Variants in FXR1 observed in about 807,000 individuals in gnomAD.
FXR1 encodes the protein FMR1 autosomal homolog 1, also known as RNA-binding protein FXR1.
In FXR1, 15 loss-of-function variants were observed where a neutral mutation model predicts 84.0. That is an observed-to-expected ratio of 0.18 (90% CI 0.12 to 0.27). FXR1 has a LOEUF of 0.27. Ranked by LOEUF, FXR1 falls within the 10% of genes least tolerant of loss-of-function variation. The pLI is 1.00. For synonymous variants in FXR1, 245 were observed against 250.7 expected, an observed-to-expected ratio of 0.98 and a Z score of 0.21; for missense variants, 480 against 774.4, an observed-to-expected ratio of 0.62 and a Z score of 4.51.
chr3:180,956,975 C>T (rs1333900664), intron 9 of FXR1, among the ~76,000 whole-genome samples: 2 of 152,162 alleles, frequency 1.3e-5, no homozygotes, highest in Non-Finnish European at 2.9e-5. Context: ...AACAAATATG[C>T]TGTCGCTGTT....
At chr3:180,922,943 T>C (rs955959228) in intron 1 of FXR1, among the ~76,000 whole-genome samples, 7 of 152,172 alleles carry the variant, frequency 4.6e-5, no homozygotes, top group African/African-American at 1.7e-4. Context: ...TCTTTTCTTA[T>C]ATTGCTGGTC....
intron 1 of FXR1, among the ~76,000 whole-genome samples, chr3:180,922,601 A>G (rs998163207): frequency 2.0e-5 from 3 of 151,918 alleles, no homozygotes; most frequent in African/African-American, 7.3e-5. Context: ...CCACCTATTT[A>G]TTTAGGTTAT....
At position 180,932,078 on chromosome 3, in the gene FXR1, A is replaced by AAAAAAAAAAC. The variant is rs1553842561; in HGVS notation, c.52-1247_52-1246insCAAAAAAAAA. Among the ~76,000 whole-genome samples the AAAAAAAAAAC allele has an allele frequency of 1.6e-3, 239 of 146,752 alleles. 6 individuals are homozygous for AAAAAAAAAAC. The highest frequency in any genetic ancestry group is 9.0e-4 in the Non-Finnish European group (61 of 67,426). On this transcript the variant is annotated intron_variant, in intron 1 of 16. Coordinates refer to ENST00000357559, the MANE Select transcript of FXR1 (RefSeq NM_005087.4). ...CTTCCATTTACTTTGTAAGTTTCAA[A>AAAAAAAAAAC]AAAAAAAAAAAACAACTTTTTTGTT...
rs781285838 is a variant in FXR1 at position 180,942,593 on chromosome 3, T to G, written c.199-5272T>G. On this transcript the variant is annotated intron_variant, in intron 3 of 16. Coordinates refer to ENST00000357559, the MANE Select transcript of FXR1 (RefSeq NM_005087.4). The stretch of plus-strand genomic sequence containing the variant: ...CTTTTGGAATTTGATTCTTCCTATT[T>G]ATTTCATCCTGTACTCCATAAAACG... Among the ~76,000 whole-genome samples the G allele has an allele frequency of 1.4e-4, 22 of 152,228 alleles. 1 individual carries two copies. The South Asian group carries it at 2.9e-3, about 20-fold the overall frequency.
intron 10 of FXR1, among the ~76,000 whole-genome samples, chr3:180,958,604 A>G: frequency 6.6e-6 from 1 of 152,118 alleles, no homozygotes. Context: ...TGGTATATAT[A>G]TACCACATTT....
intron 2 of FXR1, 47 bp downstream of exon 2, chr3:180,933,433 G>A (rs1424541070): frequency 9.8e-6 from 11 of 1,120,960 alleles, no homozygotes; most frequent in Non-Finnish European, 1.5e-5. Flanking sequence ...AGATGGCAGT[G>A]CCAAACTTTT....
intron 14 of FXR1, 108 bp from the exon 15 acceptor site, chr3:180,970,050 T>A (rs1034992852): frequency 2.0e-5 from 11 of 542,348 alleles, no homozygotes; most frequent in Middle Eastern, 3.5e-4. Flanking sequence ...TGCATTTTTA[T>A]TGGGGGAGAC....
At position 180,980,453 on chromosome 3, in the gene FXR1, T is replaced by C. The variant is rs551524209; in HGVS notation, c.*4161T>C. The stretch of plus-strand genomic sequence containing the variant: ...TTGGATTAACTGTAAAATGTACATA[T>C]TAATTTTCTAGTTTTAGAGACCATT... On this transcript the variant is annotated 3_prime_UTR_variant, in exon 17 of 17. Transcript: ENST00000357559. 1.3e-5 allele frequency: 2 copies of C among 152,090 alleles called. No homozygotes were observed. The highest frequency in any genetic ancestry group is 1.9e-4 in the East Asian group (1 of 5,172). 9.4% of individuals were successfully genotyped at this position (152,090 alleles called of 1,614,324 possible). A position where few individuals can be genotyped will look rare whatever the true frequency, so the allele number is the denominator to read the frequency against.
chr3:180,921,372 T>TA (rs71182558), intron 1 of FXR1, among the ~76,000 whole-genome samples: 31,763 of 130,914 alleles, frequency 0.24, 3,544 homozygotes, highest in Middle Eastern at 0.28. Context: ...AAACTCCATC[T>TA]AAAAAAAAAA....
At chr3:180,915,154 C>CT (rs1189227564) in intron 1 of FXR1, among the ~76,000 whole-genome samples, 1 of 152,276 alleles carries the variant, frequency 6.6e-6, no homozygotes, top group South Asian at 2.1e-4. Flanking sequence ...AAGTTTATTG[C>CT]TTTTTATTCA....
rs533468776 is a variant in FXR1 at position 180,927,109 on chromosome 3, A to T, written c.52-6225A>T. Among the ~76,000 whole-genome samples the T allele has an allele frequency of 6.6e-5, 10 of 152,236 alleles. No homozygotes were observed. The South Asian group carries it at 1.7e-3, about 25-fold the overall frequency. ...ATACTTTGGGAACCTTGCCTTAAAT[A>T]TCTTTTTATGATAGGTGCCTTATTT... On this transcript the variant is annotated intron_variant, in intron 1 of 16. Coordinates refer to ENST00000357559, the MANE Select transcript of FXR1 (RefSeq NM_005087.4).
chr3:180,920,704 A>AT (rs1560159011), intron 1 of FXR1, among the ~76,000 whole-genome samples: 1 of 151,872 alleles, frequency 6.6e-6, no homozygotes, highest in African/African-American at 2.4e-5. Flanking sequence ...AGAGATGGCG[A>AT]TTTGCCGTGT....
At chr3:180,951,598 G>GC in intron 8 of FXR1, 130 bp downstream of exon 8, 1 of 607,124 alleles carries the variant, frequency 1.6e-6, no homozygotes, top group Middle Eastern at 3.9e-4. Context: ...GCATCAGTCA[G>GC]CCTAGTAGTC....
chr3:180,964,827 T>C (rs1175875695), intron 13 of FXR1, among the ~76,000 whole-genome samples: 1 of 151,726 alleles, frequency 6.6e-6, no homozygotes, highest in Non-Finnish European at 1.5e-5. Context: ...TCTTTTTTAA[T>C]GGCACATAAA....
At chr3:180,957,724 A>G in intron 9 of FXR1, 95 bp from the exon 10 acceptor site, 2 of 613,096 alleles carry the variant, frequency 3.3e-6, no homozygotes, top group Non-Finnish European at 5.8e-6. Context: ...GATGGTTGTA[A>G]TTTAGTAGCA....
At chr3:180,941,768 G>GT (rs1721146808) in intron 3 of FXR1, among the ~76,000 whole-genome samples, 1 of 152,124 alleles carries the variant, frequency 6.6e-6, no homozygotes, top group African/African-American at 2.4e-5. Context: ...AAACTGATTT[G>GT]TTAAAGTGTC....
chr3:180,922,306 T>G (rs1401734897), intron 1 of FXR1, among the ~76,000 whole-genome samples: 2 of 152,228 alleles, frequency 1.3e-5, no homozygotes, highest in East Asian at 3.8e-4. Context: ...CAGCTTTTTC[T>G]TTTTATCTGG....
At chr3:180,961,783 TTTCTC>T (rs2108483383) in intron 11 of FXR1, among the ~76,000 whole-genome samples, 1 of 152,346 alleles carries the variant, frequency 6.6e-6, no homozygotes, top group South Asian at 2.1e-4. Context: ...GTGTGCATAA[TTTCTC>T]TTCTTTCTGA....
chr3:180,980,383 T>TC lies in FXR1; in HGVS notation c.*4092dup, dbSNP rs1229388316. ...CTTTGTATTTCAGTGATTGGGATGTTCTTTTTTTTTGGGAAAGTTTTTTTA... is the reference window on the plus strand; with the variant it reads ...CTTTGTATTTCAGTGATTGGGATGTTCCTTTTTTTTTGGGAAAGTTTTTTTA... On this transcript the variant is annotated 3_prime_UTR_variant, in exon 17 of 17. Coordinates refer to ENST00000357559, the MANE Select transcript of FXR1 (RefSeq NM_005087.4). The TC allele has an allele frequency of 6.6e-6, 1 of 151,910 alleles. No individual in the cohort carries two copies. Among genetic ancestry groups the TC allele is most frequent in the Non-Finnish European group, 1.5e-5 (1 of 67,894 alleles). The allele number at this position is 151,910 out of a possible 1,614,324, so 9.4% of individuals were successfully genotyped here.
Sources: gnomAD v4.1 joint callset for allele counts (sites outside exome capture counted in the v4.1 genomes callset) on GRCh38, gnomAD v4.1.1 for gene constraint, MANE v1.5 for transcripts, NCBI Gene and HGNC (gene_info 2026-07-23, HGNC 2026-07-21) for gene names.